Variants in CYP24A1 observed in about 807,000 individuals in gnomAD.
CYP24A1 encodes cytochrome P450 family 24 subfamily A member 1.
Under a neutral mutation model 62.4 loss-of-function variants are expected in CYP24A1, and 68 were observed. That is an observed-to-expected ratio of 1.09 (90% CI 0.90 to 1.33). The LOEUF is 1.33. CYP24A1 is among the 40% of genes most tolerant of loss of function. CYP24A1 has a pLI of 0.00. For missense variants in CYP24A1, 787 were observed against 653.0 expected, an observed-to-expected ratio of 1.21 and a Z score of -2.24; for synonymous variants, 267 against 253.0, an observed-to-expected ratio of 1.06 and a Z score of -0.52.
chr20:54,171,368 T>C (rs1277360998), intron 3 of CYP24A1, among the ~76,000 whole-genome samples: 1 of 152,116 alleles, frequency 6.6e-6, no homozygotes, highest in East Asian at 1.9e-4. Flanking sequence ...CTCATTGTGA[T>C]ATGACTTTAA....
intron 11 of CYP24A1, among the ~76,000 whole-genome samples, chr20:54,156,324 A>C (rs2092627700): frequency 6.6e-6 from 1 of 152,186 alleles, no homozygotes; most frequent in Non-Finnish European, 1.5e-5. Context: ...GATCCTGGAT[A>C]ATATCTTGTC....
chr20:54,156,752 C>G (rs980616135), intron 11 of CYP24A1, among the ~76,000 whole-genome samples: 5 of 152,162 alleles, frequency 3.3e-5, no homozygotes, highest in South Asian at 2.1e-4. Context: ...TACAAATTGC[C>G]TGTGGCTGCT....
downstream of CYP24A1, among the ~76,000 whole-genome samples, chr20:54,152,436 C>T (rs1008937104): frequency 6.6e-6 from 1 of 152,206 alleles, no homozygotes; most frequent in African/African-American, 2.4e-5. Flanking sequence ...TCCCCACAGT[C>T]GCACAGGTCT....
At chr20:54,167,395 ACT>A (rs2146494029) in intron 4 of CYP24A1, among the ~76,000 whole-genome samples, 2 of 152,270 alleles carry the variant, frequency 1.3e-5, no homozygotes, top group South Asian at 4.2e-4. Context: ...TAATCCCAGC[ACT>A]CTCAGAGGTG....
At chr20:54,151,841 A>C (rs1335187959), downstream of CYP24A1, among the ~76,000 whole-genome samples, 1 of 152,144 alleles carries the variant, frequency 6.6e-6, no homozygotes, top group Non-Finnish European at 1.5e-5. Flanking sequence ...CTGTGATTCT[A>C]AGGAGATTAC....
At chr20:54,160,007 G>A (rs1446947890) in intron 7 of CYP24A1, among the ~76,000 whole-genome samples, 4 of 152,200 alleles carry the variant, frequency 2.6e-5, no homozygotes, top group Admixed American at 2.6e-4. Flanking sequence ...TTGCTAATGA[G>A]AGGCTTTAAG....
In CYP24A1 at chr20:54,173,959, C is replaced by T. The variant is rs1488970640; in HGVS notation, c.-380G>A. 10 of 274,970 alleles carry T rather than the reference C, an allele frequency of 3.6e-5. No individual in the cohort carries two copies. The highest frequency in any genetic ancestry group is 1.6e-4 in the East Asian group (2 of 12,698). 17.0% of individuals were successfully genotyped at this position (274,970 alleles called of 1,614,324 possible). A position where few individuals can be genotyped will look rare whatever the true frequency, so the allele number is the denominator to read the frequency against. On this transcript the variant is annotated 5_prime_UTR_variant, in exon 1 of 12. Transcript: ENST00000216862. This position sits in a 1 kb window ranked among gnomAD's most constrained non-coding sequence, Gnocchi z 7.2. ...AGGAGGGTAGATGAGATGCTGCTGGCGCTGCGTTTCCTCCTGTCCCTCTCC... is the reference window on the plus strand; with the variant it reads ...AGGAGGGTAGATGAGATGCTGCTGGTGCTGCGTTTCCTCCTGTCCCTCTCC...
At chr20:54,157,900 G>C (rs1431892428) in intron 9 of CYP24A1, among the ~76,000 whole-genome samples, 186 bp downstream of exon 9, 6 of 152,204 alleles carry the variant, frequency 3.9e-5, no homozygotes, top group Non-Finnish European at 5.9e-5. Context: ...GAAACTGAAT[G>C]CAGGTCTCTG....
At chr20:54,148,383 C>CACACAG in the CYP24A1 span, among the ~76,000 whole-genome samples, 1 of 150,784 alleles carries the variant, frequency 6.6e-6, no homozygotes, top group Non-Finnish European at 1.5e-5. Context: ...CACACACACA[C>CACACAG]ACACACACAC....
chr20:54,157,589 A>C lies in CYP24A1; in HGVS notation c.1237-4T>G, dbSNP rs770522239. The C allele has an allele frequency of 3.3e-6, 5 of 1,517,344 alleles. No individual in the cohort carries two copies. In the South Asian group the frequency reaches 5.6e-5, roughly 17 times the overall value. 94.0% of individuals were successfully genotyped at this position (1,517,344 alleles called of 1,614,324 possible). On this transcript the variant is annotated splice_polypyrimidine_tract_variant and splice_region_variant and intron_variant, in intron 9 of 11. Transcript: ENST00000216862. ...GGGTATTTAGCATGAGCACTGTCTAAACACATGCAGAGACACATAGTATTT... is the reference window on the plus strand; with the variant it reads ...GGGTATTTAGCATGAGCACTGTCTACACACATGCAGAGACACATAGTATTT...
downstream of CYP24A1, among the ~76,000 whole-genome samples, chr20:54,153,106 C>T (rs1162489165): frequency 1.3e-5 from 2 of 152,226 alleles, no homozygotes; most frequent in Middle Eastern, 3.4e-3. Context: ...GCCAGCCTCC[C>T]TTTCATGTCA....
intron 2 of CYP24A1, 146 bp downstream of exon 2, chr20:54,172,763 A>T: frequency 1.3e-6 from 2 of 1,519,908 alleles, no homozygotes; most frequent in Admixed American, 4.1e-5. Context: ...CAGGGTTGCG[A>T]TGGCACGGGA....
chr20:54,159,171 T>A, intron 7 of CYP24A1, 48 bp from the exon 8 acceptor site: 1 of 1,454,450 alleles, frequency 6.9e-7, no homozygotes, highest in Non-Finnish European at 9.7e-7. Flanking sequence ...ATAACTGCAT[T>A]AAACCACTAT....
In CYP24A1 at chr20:54,159,033, G is replaced by A. The variant is rs376508342; in HGVS notation, c.1081C>T (p.Pro361Ser). 1 of 1,614,164 alleles carries A rather than the reference G, an allele frequency of 6.2e-7. No individual in the cohort carries two copies. The highest frequency in any genetic ancestry group is 8.5e-7 in the Non-Finnish European group (1 of 1,180,028). Residue 361 changes from proline (P) to serine (S), a missense_variant, in exon 8 of 12, where the codon CCT becomes TCT. Pro to Ser is a moderately conservative substitution (Grantham distance 74). Transcript: ENST00000216862. ...TCTGCCCGTGGCACCTGATTCTCAG[G>A]TAATACACTTTGAATTTCCTTAAGA... ...KLLKEIQSVL[P>S]ENQVPRAEDL...
Position 54,173,322 on chromosome 20 carries a change from C to T in CYP24A1, c.258G>A (p.Leu86=), listed in dbSNP as rs1568976421. The T allele has an allele frequency of 1.1e-5, 17 of 1,608,332 alleles. No homozygotes were observed. Among genetic ancestry groups the T allele is most frequent in the Non-Finnish European group, 1.2e-5 (14 of 1,176,488 alleles). Reference sequence around the variant, plus strand: ...GTCAGGGGCGCGAAAAGGGGTTTACCAGGGTGTCGTGCTGTTTCTTGAGAC... The same window carrying T: ...GTCAGGGGCGCGAAAAGGGGTTTACTAGGGTGTCGTGCTGTTTCTTGAGAC... ...KGGLKKQHDT[L]VEYHKKYGKI... The change falls in exon 1 of 12, where the codon CTG becomes CTA. Residue 86 remains leucine (L), a splice_region_variant and synonymous_variant. Transcript: ENST00000216862. The surrounding 1 kb of genome is among the most constrained non-coding windows in gnomAD (Gnocchi z 7.2).
chr20:54,157,909 T>C (rs963292075), intron 9 of CYP24A1, among the ~76,000 whole-genome samples, 177 bp downstream of exon 9: 1 of 152,260 alleles, frequency 6.6e-6, no homozygotes, highest in African/African-American at 2.4e-5. Context: ...TGCAGGTCTC[T>C]GTCTCCATAG....
Position 54,162,869 on chromosome 20 carries a change from G to A in CYP24A1, c.845-7C>T. ...TTGTCGATACAAGCTTTGACTATTA[G>A]AGCAGAGAAGAAAGAGAGGAAGTCA... On this transcript the variant is annotated splice_polypyrimidine_tract_variant and splice_region_variant and intron_variant, in intron 6 of 11. Transcript: ENST00000216862. 6.5e-7 allele frequency: 1 copy of A among 1,549,144 alleles called. No homozygotes were observed. Among genetic ancestry groups the A allele is most frequent in the Non-Finnish European group, 8.9e-7 (1 of 1,121,184 alleles).
rs777380891 is a variant in CYP24A1 at position 54,158,068 on chromosome 20, T to C, written c.1236+18A>G. The C allele has an allele frequency of 2.5e-6, 4 of 1,613,078 alleles. No individual in the cohort carries two copies. The highest frequency in any genetic ancestry group is 3.4e-6 in the Non-Finnish European group (4 of 1,179,820). ...TTCCAAGGTTTTGTAAGGTATAGAATATACAAATTCTACTTACTCCTTTGG... is the reference window on the plus strand; with the variant it reads ...TTCCAAGGTTTTGTAAGGTATAGAACATACAAATTCTACTTACTCCTTTGG... On this transcript the variant is annotated intron_variant, in intron 9 of 11. Coordinates refer to ENST00000216862, the MANE Select transcript of CYP24A1 (RefSeq NM_000782.5).
chr20:54,168,892 T>TTCC, intron 4 of CYP24A1, among the ~76,000 whole-genome samples: 1 of 138,292 alleles, frequency 7.2e-6, no homozygotes, highest in Middle Eastern at 3.6e-3. Flanking sequence ...CCTTCCTTCC[T>TTCC]TTCTCTGTCT....
Sources: gnomAD v4.1 joint callset for allele counts (sites outside exome capture counted in the v4.1 genomes callset) on GRCh38, gnomAD v4.1.1 for gene constraint, Gnocchi (gnomAD v3.1) non-coding constraint, MANE v1.5 for transcripts, NCBI Gene and HGNC (gene_info 2026-07-23, HGNC 2026-07-21) for gene names.